Variants in CNTN3 observed in about 807,000 individuals in gnomAD.
The protein encoded by CNTN3 is contactin 3.
Under a neutral mutation model 119.1 loss-of-function variants are expected in CNTN3, and 60 were observed. The observed-to-expected ratio is 0.50, with a 90% CI of 0.41 to 0.62. The LOEUF (loss-of-function observed/expected upper bound fraction) is 0.62. Among genes scored for constraint, CNTN3 ranks in the 20% least tolerant of loss-of-function variants. The pLI is 0.00. For synonymous variants in CNTN3, 450 were observed against 438.7 expected (o/e 1.03, Z -0.32); for missense variants, 1,101 against 1,242.4 (o/e 0.89, Z 1.71).
At chr3:74,369,439 C>A in intron 7 of CNTN3, 66 bp from the exon 8 acceptor site, 1 of 1,318,732 alleles carries the variant, frequency 7.6e-7, no homozygotes, top group Non-Finnish European at 1.0e-6. Flanking sequence ...GAAAATAAAG[C>A]TTTTAAGATT....
chr3:74,571,874 C>T (rs1173442391), intron 1 of CNTN3, among the ~76,000 whole-genome samples: 8 of 152,080 alleles, frequency 5.3e-5, no homozygotes, highest in Non-Finnish European at 1.0e-4. Flanking sequence ...AGTTTGTCTT[C>T]GCTCTTTCTG....
intron 1 of CNTN3, among the ~76,000 whole-genome samples, chr3:74,585,226 A>T (rs1704574565): frequency 6.6e-6 from 1 of 152,282 alleles, no homozygotes; most frequent in East Asian, 1.9e-4. Context: ...CAAAGTGTGG[A>T]CATGTGCAAA....
intron 4 of CNTN3, among the ~76,000 whole-genome samples, chr3:74,481,406 C>A (rs988463237): frequency 2.0e-5 from 3 of 151,780 alleles, no homozygotes; most frequent in African/African-American, 7.3e-5. Flanking sequence ...ACAGTCCATT[C>A]TCTGGTCAAT....
At chr3:74,384,495 C>A (rs186467269) in intron 5 of CNTN3, among the ~76,000 whole-genome samples, 204 of 152,338 alleles carry the variant, frequency 1.3e-3, no homozygotes, top group Middle Eastern at 3.4e-3. Flanking sequence ...CTGTTTGATA[C>A]AAATGCTCAT....
chr3:74,571,049 T>G (rs1482046239), intron 1 of CNTN3, among the ~76,000 whole-genome samples: 1 of 152,200 alleles, frequency 6.6e-6, no homozygotes. Flanking sequence ...ACCACCACAG[T>G]GCATTTGCAA....
At chr3:74,286,142 A>C (rs1480061179) in intron 19 of CNTN3, among the ~76,000 whole-genome samples, 1 of 152,096 alleles carries the variant, frequency 6.6e-6, no homozygotes, top group East Asian at 1.9e-4. Context: ...AAGGAACCAA[A>C]TTTGGAAATG....
chr3:74,591,067 C>T (rs911198338), intron 1 of CNTN3, among the ~76,000 whole-genome samples: 2 of 152,002 alleles, frequency 1.3e-5, no homozygotes, highest in Non-Finnish European at 2.9e-5. Flanking sequence ...TTGGCAACCT[C>T]ATCTTAGATT....
intron 5 of CNTN3, among the ~76,000 whole-genome samples, chr3:74,408,277 CTAAT>C (rs2106864802): frequency 6.6e-6 from 1 of 152,184 alleles, no homozygotes; most frequent in South Asian, 2.1e-4. Flanking sequence ...TCTGATCTAA[CTAAT>C]GTTTAAAAAA....
chr3:74,555,689 T>C (rs1454887985), intron 1 of CNTN3, among the ~76,000 whole-genome samples: 1 of 152,208 alleles, frequency 6.6e-6, no homozygotes, highest in African/African-American at 2.4e-5. Flanking sequence ...GATTTTCTAG[T>C]TCATTTGCAC....
At chr3:74,582,495 A>C (rs911837928) in intron 1 of CNTN3, among the ~76,000 whole-genome samples, 2 of 152,204 alleles carry the variant, frequency 1.3e-5, no homozygotes, top group Admixed American at 6.5e-5. Context: ...ATAGGTAAAT[A>C]AATAATGAAA....
At chr3:74,333,025 G>C (rs1475559879) in intron 13 of CNTN3, among the ~76,000 whole-genome samples, 1 of 152,118 alleles carries the variant, frequency 6.6e-6, no homozygotes, top group Admixed American at 6.5e-5. Flanking sequence ...AAAAAGCAGT[G>C]ACAATTTAAA....
In CNTN3 at chr3:74,269,843, G is replaced by A. The variant is rs191273914; in HGVS notation, c.2705-2465C>T. 4.3e-3 allele frequency among the ~76,000 whole-genome samples: 655 copies of A among 152,160 alleles called. 5 individuals are homozygous for A. Among genetic ancestry groups the A allele is most frequent in the African/African-American group, 0.015 (621 of 41,512 alleles). On this transcript the variant is annotated intron_variant, in intron 20 of 22. Coordinates refer to ENST00000263665, the MANE Select transcript of CNTN3 (RefSeq NM_020872.3). ...TCACAGAGACAGAAAATAAAATGCT[G>A]GTTGCCAGAGGCTGGTGGAAGGGGA...
At chr3:74,310,804 G>T (rs1702667895) in intron 13 of CNTN3, among the ~76,000 whole-genome samples, 1 of 152,170 alleles carries the variant, frequency 6.6e-6, no homozygotes, top group African/African-American at 2.4e-5. Context: ...GAGCATGTTG[G>T]ATAAGATATG....
intron 1 of CNTN3, among the ~76,000 whole-genome samples, chr3:74,575,772 T>C (rs1440288926): frequency 3.9e-5 from 6 of 152,058 alleles, no homozygotes; most frequent in Non-Finnish European, 7.4e-5. Flanking sequence ...TCTTAAACCA[T>C]GTGAAATTGT....
intron 1 of CNTN3, among the ~76,000 whole-genome samples, chr3:74,556,743 T>G (rs531987760): frequency 6.6e-6 from 1 of 152,342 alleles, no homozygotes; most frequent in South Asian, 2.1e-4. Flanking sequence ...TCCACCATCT[T>G]ACTATCCCAT....
At chr3:74,511,672 A>G (rs560170549) in intron 2 of CNTN3, among the ~76,000 whole-genome samples, 1 of 152,196 alleles carries the variant, frequency 6.6e-6, no homozygotes, top group South Asian at 2.1e-4. Flanking sequence ...CCTGTCTCTA[A>G]AAACAAACAA....
At chr3:74,558,245 T>A (rs376406802) in intron 1 of CNTN3, among the ~76,000 whole-genome samples, 1 of 152,172 alleles carries the variant, frequency 6.6e-6, no homozygotes. Flanking sequence ...GCATCATAGT[T>A]CACCTTCCTC....
chr3:74,504,474 G>C (rs977417282), intron 2 of CNTN3, among the ~76,000 whole-genome samples: 8 of 152,086 alleles, frequency 5.3e-5, no homozygotes, highest in Non-Finnish European at 1.5e-5. Flanking sequence ...ACTTTTTTTA[G>C]AAATGAGATA....
intron 4 of CNTN3, among the ~76,000 whole-genome samples, chr3:74,430,737 C>T (rs1051018484): frequency 2.6e-5 from 4 of 152,080 alleles, no homozygotes; most frequent in African/African-American, 9.7e-5. Flanking sequence ...AACACATGTA[C>T]ATCCATGTGA....
Sources: gnomAD v4.1 joint callset for allele counts (sites outside exome capture counted in the v4.1 genomes callset) on GRCh38, gnomAD v4.1.1 for gene constraint, MANE v1.5 for transcripts, NCBI Gene and HGNC (gene_info 2026-07-23, HGNC 2026-07-21) for gene names.